KPLCE: variants seen among roughly 807,000 people sequenced by gnomAD.
The protein encoded by KPLCE is KPRP N-terminal and LCE C-terminal like protein, also known as protein KPLCE.
At chr1:152,719,976 C>G in the KPLCE span, 1 of 1,551,866 alleles carries the variant, frequency 6.4e-7, no homozygotes, top group South Asian at 1.2e-5. Context: ...GCAAGTGGCT[C>G]AACCTCCCAG....
At chr1:152,720,007 C>T in the KPLCE span, 7 of 1,551,816 alleles carry the variant, frequency 4.5e-6, no homozygotes, top group Non-Finnish European at 6.1e-6. Flanking sequence ...CTGACCCATG[C>T]TCTGCTCCCT....
At chr1:152,720,245 T>C in the KPLCE span, 1 of 1,549,964 alleles carries the variant, frequency 6.5e-7, no homozygotes, top group Non-Finnish European at 8.7e-7. Context: ...TCCTGCATGC[T>C]GTGACCATGA....
At chr1:152,719,869 C>A in the KPLCE span, 1 of 1,552,216 alleles carries the variant, frequency 6.4e-7, no homozygotes, top group Non-Finnish European at 8.7e-7. Context: ...CAGCTCCCTG[C>A]CAGATGACCT....
the KPLCE span, chr1:152,719,551 C>T: frequency 6.4e-7 from 1 of 1,551,640 alleles, no homozygotes; most frequent in Non-Finnish European, 8.7e-7. Flanking sequence ...AGCCACAGTT[C>T]CCTCCATCTT....
chr1:152,719,759 A>C, the KPLCE span: 1 of 1,551,642 alleles, frequency 6.4e-7, no homozygotes, highest in Non-Finnish European at 8.7e-7. Flanking sequence ...GACCTATGTG[A>C]AATACCCAAC....
the KPLCE span, chr1:152,719,656 A>G: frequency 6.4e-7 from 1 of 1,552,254 alleles, no homozygotes; most frequent in South Asian, 1.2e-5. Context: ...TCTGTGTGAC[A>G]GGCCCTGCTC....
At chr1:152,719,745 A>G in the KPLCE span, 3 of 1,552,126 alleles carry the variant, frequency 1.9e-6, no homozygotes, top group South Asian at 2.4e-5. Context: ...GCTCCCTGCC[A>G]GAGGACCTAT....
At chr1:152,719,557 A>G in the KPLCE span, 22 of 1,551,620 alleles carry the variant, frequency 1.4e-5, no homozygotes, top group Non-Finnish European at 1.9e-5. Flanking sequence ...AGTTCCCTCC[A>G]TCTTGTGTGA....
the KPLCE span, chr1:152,720,191 T>C: frequency 6.4e-7 from 1 of 1,551,700 alleles, no homozygotes; most frequent in Non-Finnish European, 8.7e-7. Flanking sequence ...ATGTGGCAGC[T>C]CTGGGTGCTG....
the KPLCE span, chr1:152,719,848 C>T: frequency 5.9e-5 from 91 of 1,551,878 alleles, no homozygotes; most frequent in African/African-American, 6.9e-5. Flanking sequence ...GCCAAACCTA[C>T]GTGAAGTGCC....
At chr1:152,719,599 C>A in the KPLCE span, 1 of 1,551,874 alleles carries the variant, frequency 6.4e-7, no homozygotes, top group Non-Finnish European at 8.7e-7. Flanking sequence ...GGCAGGGTAG[C>A]AATGGTGCCT....
chr1:152,719,706 G>T, the KPLCE span: 4 of 1,552,230 alleles, frequency 2.6e-6, no homozygotes, highest in Non-Finnish European at 2.6e-6. Context: ...CAAGTTCCAT[G>T]CCAGACTCAA....
chr1:152,719,592 A>G, the KPLCE span: 1 of 1,551,852 alleles, frequency 6.4e-7, no homozygotes, highest in Non-Finnish European at 8.7e-7. Context: ...GGGGCTGGGC[A>G]GGGTAGCAAT....
chr1:152,719,995 C>T, the KPLCE span: 1 of 1,551,788 alleles, frequency 6.4e-7, no homozygotes, highest in Non-Finnish European at 8.7e-7. Flanking sequence ...AGTACTGTGT[C>T]ACTGACCCAT....
the KPLCE span, chr1:152,720,309 C>T: frequency 9.3e-5 from 137 of 1,467,250 alleles, 1 homozygote; most frequent in South Asian, 4.7e-4. Context: ...TGCACTGCCC[C>T]GCTACCCCTT....
the KPLCE span, chr1:152,719,652 T>C: frequency 6.4e-7 from 1 of 1,552,128 alleles, no homozygotes; most frequent in Non-Finnish European, 8.7e-7. Context: ...ACTGTCTGTG[T>C]GACAGGCCCT....
the KPLCE span, chr1:152,720,111 C>T: frequency 1.3e-6 from 2 of 1,551,730 alleles, no homozygotes; most frequent in Non-Finnish European, 1.7e-6. Context: ...AACACAGGAT[C>T]ATCTGGCTGC....
chr1:152,719,567 A>C, the KPLCE span: 1 of 1,551,864 alleles, frequency 6.4e-7, no homozygotes, highest in Non-Finnish European at 8.7e-7. Flanking sequence ...ATCTTGTGTG[A>C]AAGGTTCGGG....
the KPLCE span, chr1:152,719,960 G>T: frequency 6.4e-7 from 1 of 1,551,912 alleles, no homozygotes; most frequent in South Asian, 1.2e-5. Flanking sequence ...TTATGTTCAA[G>T]CTCCTGCAAG....
Sources: allele counts gnomAD v4.1 joint callset, GRCh38; gene constraint gnomAD v4.1.1; transcripts MANE v1.5; gene names NCBI Gene and HGNC (gene_info 2026-07-23, HGNC 2026-07-21).